Variants in MGAT4A observed in about 807,000 individuals in gnomAD.
The protein encoded by MGAT4A is N-acetylglucosaminyltransferase IVa.
Under a neutral mutation model 74.1 loss-of-function variants are expected in MGAT4A, and 33 were observed. That is an observed-to-expected ratio of 0.45 (90% CI 0.34 to 0.60). MGAT4A has a LOEUF of 0.60. Among genes scored for constraint, MGAT4A ranks in the 20% least tolerant of loss-of-function variants. The pLI is 0.02. For missense variants in MGAT4A, 479 were observed against 628.3 expected (o/e 0.76, Z 2.54); for synonymous variants, 198 against 210.4 (o/e 0.94, Z 0.51).
intron 2 of MGAT4A, among the ~76,000 whole-genome samples, chr2:98,680,406 AAC>A (rs1250134821): frequency 6.6e-6 from 1 of 152,210 alleles, no homozygotes; most frequent in African/African-American, 2.4e-5. Flanking sequence ...AAGCAGTAAA[AAC>A]AGACTTATGA....
intron 2 of MGAT4A, among the ~76,000 whole-genome samples, chr2:98,717,996 T>C (rs1702614937): frequency 6.6e-6 from 1 of 152,258 alleles, no homozygotes; most frequent in Non-Finnish European, 1.5e-5. Flanking sequence ...CTAAAAACTT[T>C]TATTCACTGT....
chr2:98,621,624 A>C lies in MGAT4A; in HGVS notation c.*3942T>G. ...CCCATGCTCAAAGTGGGAGGATATT[A>C]TACAAGGTCATTGGTGGGGGTGTCA... is the stretch of plus-strand genomic sequence containing the variant. On this transcript the variant is annotated 3_prime_UTR_variant, in exon 16 of 16. Coordinates refer to ENST00000393487, the MANE Select transcript of MGAT4A (RefSeq NM_012214.3). 3 of 1,488,206 alleles carry C rather than the reference A, an allele frequency of 2.0e-6. No homozygotes were observed. The highest frequency in any genetic ancestry group is 2.7e-6 in the Non-Finnish European group (3 of 1,116,008). The allele number at this position is 1,488,206 out of a possible 1,614,324, so 92.2% of individuals were successfully genotyped here.
At position 98,624,602 on chromosome 2, in the gene MGAT4A, TA is replaced by T; in HGVS notation, c.*963del. 1 of 985,036 alleles carries T rather than the reference TA, an allele frequency of 1.0e-6. No individual in the cohort carries two copies. Among genetic ancestry groups the T allele is most frequent in the Non-Finnish European group, 1.2e-6 (1 of 829,596 alleles). The allele number at this position is 985,036 out of a possible 1,614,324, so 61.0% of individuals were successfully genotyped here. A position where few individuals can be genotyped will look rare whatever the true frequency, so the allele number is the denominator to read the frequency against. ...CTAGAAAACATTTTGTCTGACGTCA[TA>T]AAATGAGTGCAGATATAAAAGAATC... On this transcript the variant is annotated 3_prime_UTR_variant, in exon 16 of 16. Transcript: ENST00000393487.
chr2:98,696,673 T>C (rs912472781), intron 2 of MGAT4A, among the ~76,000 whole-genome samples: 1 of 152,226 alleles, frequency 6.6e-6, no homozygotes, highest in Non-Finnish European at 1.5e-5. Flanking sequence ...GTATCCAGCC[T>C]GTCTAGTGAT....
In MGAT4A at chr2:98,730,737, G is replaced by C. The variant is rs572429905; in HGVS notation, c.-236+311C>G. On this transcript the variant is annotated intron_variant, in intron 1 of 15. Coordinates refer to ENST00000393487, the MANE Select transcript of MGAT4A (RefSeq NM_012214.3). ...GCCGAGCCGGCCGCAGAGAGGGCGC[G>C]CGACCCCGAGGGGTGCGCGGTGCGG... Among the ~76,000 whole-genome samples the C allele has an allele frequency of 5.2e-4, 78 of 150,008 alleles. No individual in the cohort carries two copies. In the Middle Eastern group the frequency reaches 0.01, roughly 20 times the overall value.
intron 2 of MGAT4A, among the ~76,000 whole-genome samples, chr2:98,692,974 T>C (rs1414618225): frequency 2.6e-5 from 4 of 152,050 alleles, no homozygotes; most frequent in African/African-American, 9.7e-5. Flanking sequence ...CCAAACAGGA[T>C]AAACCTGAAG....
intron 3 of MGAT4A, among the ~76,000 whole-genome samples, chr2:98,676,338 A>G (rs1465018994): frequency 6.6e-6 from 1 of 152,324 alleles, no homozygotes; most frequent in African/African-American, 2.4e-5. Flanking sequence ...TGATAACAAG[A>G]TAAATGTTCC....
chr2:98,641,573 G>T (rs1194389260), intron 10 of MGAT4A, among the ~76,000 whole-genome samples: 3 of 151,764 alleles, frequency 2.0e-5, no homozygotes, highest in African/African-American at 7.3e-5. Context: ...CTATGCAGGA[G>T]GCTGAGGCAG....
intron 2 of MGAT4A, among the ~76,000 whole-genome samples, chr2:98,696,677 T>G (rs1219257104): frequency 1.3e-5 from 2 of 152,328 alleles, no homozygotes; most frequent in East Asian, 3.9e-4. Flanking sequence ...CCAGCCTGTC[T>G]AGTGATTGTT....
At position 98,713,461 on chromosome 2, in the gene MGAT4A, A is replaced by C. The variant is rs981021292; in HGVS notation, c.94+12778T>G. ...GCTAAATCTAATCTTAAAAAAAAAA[A>C]AAAACAAACAAACCCGTAGGCCAGG... is the stretch of plus-strand genomic sequence containing the variant. On this transcript the variant is annotated intron_variant, in intron 2 of 15. Transcript: ENST00000393487. 8.6e-5 allele frequency among the ~76,000 whole-genome samples: 13 copies of C among 151,506 alleles called. No individual in the cohort carries two copies. In the East Asian group the frequency reaches 1.4e-3, roughly 16 times the overall value.
intron 2 of MGAT4A, among the ~76,000 whole-genome samples, chr2:98,682,164 T>G (rs1702068704): frequency 6.6e-6 from 1 of 152,324 alleles, no homozygotes; most frequent in South Asian, 2.1e-4. Context: ...GGCTCACGCC[T>G]GTAATCCCAG....
At chr2:98,680,818 A>C (rs1225916154) in intron 2 of MGAT4A, among the ~76,000 whole-genome samples, 5 of 152,226 alleles carry the variant, frequency 3.3e-5, no homozygotes, top group African/African-American at 1.2e-4. Context: ...AATTATAAGA[A>C]GAGACACATA....
chr2:98,672,733 C>G (rs1002431948), intron 4 of MGAT4A, among the ~76,000 whole-genome samples: 1 of 152,180 alleles, frequency 6.6e-6, no homozygotes, highest in African/African-American at 2.4e-5. Flanking sequence ...TTTCTGATCA[C>G]TAATTTGATC....
At chr2:98,710,338 A>G (rs1702498269) in intron 2 of MGAT4A, among the ~76,000 whole-genome samples, 1 of 152,252 alleles carries the variant, frequency 6.6e-6, no homozygotes, top group South Asian at 2.1e-4. Context: ...CAATGTAGAT[A>G]TTAAAAGAAA....
At chr2:98,692,914 T>C (rs1702214125) in intron 2 of MGAT4A, among the ~76,000 whole-genome samples, 1 of 152,178 alleles carries the variant, frequency 6.6e-6, no homozygotes, top group Admixed American at 6.5e-5. Flanking sequence ...ATTTCCCAAA[T>C]TTGGTAAAAC....
At chr2:98,709,434 A>G (rs1049575296) in intron 2 of MGAT4A, among the ~76,000 whole-genome samples, 1 of 152,176 alleles carries the variant, frequency 6.6e-6, no homozygotes, top group Non-Finnish European at 1.5e-5. Context: ...TATTTTAGGG[A>G]GAATGTTGCA....
intron 3 of MGAT4A, 55 bp downstream of exon 3, chr2:98,678,249 A>AATATATATATATAT (rs1553538281): frequency 4.9e-5 from 13 of 263,850 alleles, no homozygotes; most frequent in Admixed American, 8.3e-5. Context: ...AAAAAAAAAA[A>AATATATATATATAT]ATATATATAT....
At chr2:98,680,931 AT>A in intron 2 of MGAT4A, among the ~76,000 whole-genome samples, 1 of 152,366 alleles carries the variant, frequency 6.6e-6, no homozygotes, top group South Asian at 2.1e-4. Context: ...TTACAAAAAG[AT>A]TAATTCTACC....
chr2:98,682,473 A>G (rs1486402907), intron 2 of MGAT4A, among the ~76,000 whole-genome samples: 2 of 151,750 alleles, frequency 1.3e-5, no homozygotes, highest in African/African-American at 2.4e-5. Flanking sequence ...CATCATAGCA[A>G]TAACTGACTC....
Sources: allele counts gnomAD v4.1 joint callset (sites outside exome capture counted in the v4.1 genomes callset), GRCh38; gene constraint gnomAD v4.1.1; transcripts MANE v1.5; gene names NCBI Gene and HGNC (gene_info 2026-07-23, HGNC 2026-07-21).